The following EYS variants were observed in gnomAD, a reference collection of about 807,000 sequenced individuals.
The protein encoded by EYS is protein eyes shut homolog.
A neutral mutation model predicts 282.1 loss-of-function variants in EYS; 250 were observed. The ratio of observed to expected loss-of-function variants is 0.89; its 90% confidence interval spans 0.80 to 0.98. The LOEUF is 0.98. Among genes scored for constraint, EYS ranks in the 50% least tolerant of loss-of-function variants. The pLI is 0.00. For missense variants in EYS, 4,016 were observed against 3,709.0 expected (o/e 1.08, Z -2.15); for synonymous variants, 1,355 against 1,282.9 (o/e 1.06, Z -1.20).
intron 31 of EYS, among the ~76,000 whole-genome samples, chr6:64,184,869 A>C (rs1048383271): frequency 5.3e-5 from 8 of 151,396 alleles, no homozygotes; most frequent in African/African-American, 1.9e-4. Flanking sequence ...CTATTTGTTT[A>C]TGTAAATAAC....
At chr6:63,925,962 G>A (rs1465815097) in intron 35 of EYS, among the ~76,000 whole-genome samples, 1 of 152,090 alleles carries the variant, frequency 6.6e-6, no homozygotes, top group Non-Finnish European at 1.5e-5. Context: ...TAGGTTTTAA[G>A]CACCGCATGC....
At chr6:65,589,692 A>C (rs115384332) in intron 2 of EYS, among the ~76,000 whole-genome samples, 2,008 of 152,128 alleles carry the variant, frequency 0.013, 46 homozygotes, top group African/African-American at 0.046. Context: ...ATACTTAAAA[A>C]AATTAAATTA....
intron 35 of EYS, among the ~76,000 whole-genome samples, chr6:63,970,862 C>A (rs1428580119): frequency 6.6e-6 from 1 of 152,106 alleles, no homozygotes; most frequent in Admixed American, 6.6e-5. Flanking sequence ...AGTATAATTT[C>A]ATAATGGTAA....
intron 26 of EYS, among the ~76,000 whole-genome samples, chr6:64,576,095 T>G (rs1484465822): frequency 2.0e-5 from 3 of 152,248 alleles, no homozygotes; most frequent in African/African-American, 7.2e-5. Context: ...ATTGAACAAC[T>G]GAAGACCTTT....
chr6:64,197,704 T>G (rs1765333249), intron 31 of EYS, among the ~76,000 whole-genome samples: 1 of 151,936 alleles, frequency 6.6e-6, no homozygotes, highest in Admixed American at 6.6e-5. Flanking sequence ...CCCCTTATCA[T>G]TATATGGTAT....
Position 64,763,431 on chromosome 6 carries a change from A to T in EYS, c.3443+49947T>A, listed in dbSNP as rs141430299. 4.4e-3 allele frequency among the ~76,000 whole-genome samples: 676 copies of T among 152,258 alleles called. 7 individuals are homozygous for T. The highest frequency in any genetic ancestry group is 0.015 in the African/African-American group (621 of 41,552). On this transcript the variant is annotated intron_variant, in intron 22 of 42. Transcript: ENST00000503581. The stretch of plus-strand genomic sequence containing the variant: ...GAGATGTGCCACACACTTTTAAATC[A>T]TGAGATCTCATGAGAACTCACTCAC...
At chr6:64,684,970 T>C (rs1403524179) in intron 22 of EYS, among the ~76,000 whole-genome samples, 1 of 152,006 alleles carries the variant, frequency 6.6e-6, no homozygotes, top group Admixed American at 6.6e-5. Flanking sequence ...AATAAACTAA[T>C]AAGTGCATAT....
intron 12 of EYS, among the ~76,000 whole-genome samples, chr6:65,165,417 A>G (rs113937223): frequency 0.01 from 1,562 of 151,192 alleles, 32 homozygotes; most frequent in African/African-American, 0.036. Flanking sequence ...AAAATATATC[A>G]TATGGTTATC....
chr6:65,699,751 G>GTCC (rs912748646), intron 1 of EYS, among the ~76,000 whole-genome samples: 3 of 152,124 alleles, frequency 2.0e-5, no homozygotes, highest in Non-Finnish European at 4.4e-5. Context: ...GAAAGGGACA[G>GTCC]TCCTAATCAA....
intron 2 of EYS, among the ~76,000 whole-genome samples, chr6:65,619,639 A>G (rs1011965856): frequency 1.3e-5 from 2 of 151,834 alleles, no homozygotes; most frequent in African/African-American, 4.8e-5. Flanking sequence ...GCCCGTTTTC[A>G]AAGGGAATGC....
intron 12 of EYS, among the ~76,000 whole-genome samples, chr6:65,267,333 T>G (rs1040455606): frequency 9.9e-5 from 15 of 151,848 alleles, no homozygotes; most frequent in African/African-American, 3.6e-4. Flanking sequence ...GTTGGGAAAA[T>G]GACTAATCGC....
At chr6:63,793,588 CATT>C (rs1008902003) in intron 37 of EYS, among the ~76,000 whole-genome samples, 5 of 152,098 alleles carry the variant, frequency 3.3e-5, no homozygotes, top group Non-Finnish European at 7.4e-5. Context: ...AAATAAAAGA[CATT>C]ATGGTGACTT....
chr6:64,452,085 A>G (rs185638587), intron 26 of EYS, among the ~76,000 whole-genome samples: 124 of 152,272 alleles, frequency 8.1e-4, no homozygotes, highest in African/African-American at 2.8e-3. Context: ...GTTTGCAGAC[A>G]ACATGATTAT....
intron 12 of EYS, among the ~76,000 whole-genome samples, chr6:65,137,881 C>T (rs1776068429): frequency 1.3e-5 from 2 of 152,000 alleles, no homozygotes. Context: ...TAAACATTTA[C>T]ATACTAAGGT....
intron 19 of EYS, among the ~76,000 whole-genome samples, chr6:64,829,997 A>G (rs1274287839): frequency 6.6e-6 from 1 of 151,992 alleles, no homozygotes; most frequent in African/African-American, 2.4e-5. Flanking sequence ...CAAGGAAAGA[A>G]GTTCCTTATT....
intron 26 of EYS, among the ~76,000 whole-genome samples, chr6:64,555,716 G>A (rs1420751903): frequency 2.0e-5 from 3 of 151,852 alleles, no homozygotes; most frequent in Non-Finnish European, 4.4e-5. Context: ...TAATGAAAAT[G>A]ATCAAATCAG....
intron 11 of EYS, among the ~76,000 whole-genome samples, chr6:65,299,933 C>T (rs775405592): frequency 1.3e-5 from 2 of 152,002 alleles, no homozygotes; most frequent in Non-Finnish European, 1.5e-5. Flanking sequence ...ATCATTCTCC[C>T]AATATAAAAT....
At chr6:65,043,342 A>T (rs1772996663) in intron 13 of EYS, among the ~76,000 whole-genome samples, 1 of 151,548 alleles carries the variant, frequency 6.6e-6, no homozygotes, top group South Asian at 2.1e-4. Flanking sequence ...ACAATAGTAC[A>T]GCAAATGAAG....
At chr6:64,420,905 G>A (rs568870182) in intron 28 of EYS, among the ~76,000 whole-genome samples, 1 of 152,058 alleles carries the variant, frequency 6.6e-6, no homozygotes, top group South Asian at 2.1e-4. Context: ...AAGTCTCTAG[G>A]AAGTTCCAAA....
Sources: allele counts gnomAD v4.1 joint callset (sites outside exome capture counted in the v4.1 genomes callset), GRCh38; gene constraint gnomAD v4.1.1; transcripts MANE v1.5; gene names NCBI Gene and HGNC (gene_info 2026-07-23, HGNC 2026-07-21).